THSD4: variants seen among roughly 807,000 people sequenced by gnomAD.
THSD4 encodes thrombospondin type-1 domain-containing protein 4.
Under a neutral mutation model 119.0 loss-of-function variants are expected in THSD4, and 69 were observed. The observed-to-expected ratio is 0.58, with a 90% CI of 0.48 to 0.71. The LOEUF (loss-of-function observed/expected upper bound fraction) is 0.71. Ranked by LOEUF, THSD4 falls within the 30% of genes least tolerant of loss-of-function variation. The probability of loss-of-function intolerance (pLI) is 0.00; values close to 1 mark genes in which losing one functional copy is unlikely to be tolerated. For synonymous variants in THSD4, 524 were observed against 540.4 expected (o/e 0.97, Z 0.42); for missense variants, 1,393 against 1,391.1 (o/e 1.00, Z -0.02).
At chr15:71,608,247 TATACACACAC>T (rs1478118738) in intron 7 of THSD4, among the ~76,000 whole-genome samples, 5 of 71,710 alleles carry the variant, frequency 7.0e-5, no homozygotes, top group Admixed American at 4.9e-4. Flanking sequence ...AATATATATA[TATACACACAC>T]ACACACACAC....
intron 4 of THSD4, among the ~76,000 whole-genome samples, chr15:71,238,543 A>G (rs1379159691): frequency 2.6e-5 from 4 of 152,218 alleles, no homozygotes; most frequent in East Asian, 1.9e-4. Context: ...GACATTCTAT[A>G]GAAATGGAAT....
intron 7 of THSD4, among the ~76,000 whole-genome samples, chr15:71,593,586 G>A (rs1328899789): frequency 3.3e-5 from 5 of 152,088 alleles, no homozygotes; most frequent in South Asian, 2.1e-4. Flanking sequence ...TTCTGTCCTC[G>A]GTGTTTGGAT....
At chr15:71,551,880 G>T (rs1012750071) in intron 7 of THSD4, among the ~76,000 whole-genome samples, 2 of 152,152 alleles carry the variant, frequency 1.3e-5, no homozygotes, top group East Asian at 1.9e-4. Flanking sequence ...CAGTAGAGGC[G>T]CAGCAAGCAA....
At chr15:71,628,939 T>A (rs770730959) in intron 7 of THSD4, among the ~76,000 whole-genome samples, 5 of 152,284 alleles carry the variant, frequency 3.3e-5, no homozygotes, top group Middle Eastern at 3.4e-3. Context: ...ATTTATTGAG[T>A]GCCTATGGTG....
At chr15:71,620,292 T>G (rs912517928) in intron 7 of THSD4, among the ~76,000 whole-genome samples, 2 of 152,168 alleles carry the variant, frequency 1.3e-5, no homozygotes, top group African/African-American at 2.4e-5. Context: ...ATTATTGGTA[T>G]TTAAAAACAT....
chr15:71,592,672 A>G (rs1435342767), intron 7 of THSD4, among the ~76,000 whole-genome samples: 1 of 151,962 alleles, frequency 6.6e-6, no homozygotes, highest in Non-Finnish European at 1.5e-5. Flanking sequence ...TACAGAATGC[A>G]TTTTGTGGGA....
At chr15:71,254,173 A>G (rs949900048) in intron 5 of THSD4, among the ~76,000 whole-genome samples, 7 of 152,130 alleles carry the variant, frequency 4.6e-5, no homozygotes, top group African/African-American at 1.4e-4. Context: ...AGGACCTTCA[A>G]CCACTTGTGC....
At chr15:71,554,095 G>GTTTT (rs58075201) in intron 7 of THSD4, among the ~76,000 whole-genome samples, 44,006 of 137,324 alleles carry the variant, frequency 0.32, 8,965 homozygotes, top group South Asian at 0.45. Context: ...GTTTGGTTTG[G>GTTTT]TTTTTTTTTT....
chr15:71,239,411 G>T (rs1026299897), intron 4 of THSD4, among the ~76,000 whole-genome samples: 2 of 152,126 alleles, frequency 1.3e-5, no homozygotes, highest in African/African-American at 4.8e-5. Context: ...TACAAAGATT[G>T]GGTAACTTAC....
chr15:71,547,604 T>G (rs564898919), intron 7 of THSD4: 2 of 1,163,228 alleles, frequency 1.7e-6, no homozygotes, highest in Admixed American at 3.1e-5. Context: ...ATGCTTTATA[T>G]TACTTTTGTA....
At chr15:71,610,282 T>C (rs916474024) in intron 7 of THSD4, among the ~76,000 whole-genome samples, 2 of 152,192 alleles carry the variant, frequency 1.3e-5, no homozygotes, top group Admixed American at 6.5e-5. Context: ...GCCCCTCCTT[T>C]AGAGAGGGCA....
At chr15:71,137,362 A>G (rs1016410374) in intron 1 of THSD4, among the ~76,000 whole-genome samples, 1 of 152,048 alleles carries the variant, frequency 6.6e-6, no homozygotes, top group African/African-American at 2.4e-5. Flanking sequence ...AGGGCCTGAG[A>G]TAATGTTTGG....
intron 7 of THSD4, among the ~76,000 whole-genome samples, chr15:71,429,253 A>T (rs1166138713): frequency 6.6e-6 from 1 of 152,200 alleles, no homozygotes; most frequent in Non-Finnish European, 1.5e-5. Context: ...GAGGAAAGAG[A>T]TGGGAATATG....
chr15:71,656,166 A>G (rs2051187275), intron 7 of THSD4, among the ~76,000 whole-genome samples: 2 of 152,224 alleles, frequency 1.3e-5, no homozygotes, highest in South Asian at 2.1e-4. Context: ...TAGTTCATGA[A>G]ACATCAAAAA....
At chr15:71,387,647 C>A (rs79610731) in intron 6 of THSD4, among the ~76,000 whole-genome samples, 2 of 152,142 alleles carry the variant, frequency 1.3e-5, no homozygotes, top group Admixed American at 6.5e-5. Context: ...TATGAAGATA[C>A]AACTTTCATC....
chr15:71,125,690 G>C (rs1260152903), intron 1 of THSD4, among the ~76,000 whole-genome samples: 1 of 152,246 alleles, frequency 6.6e-6, no homozygotes, highest in African/African-American at 2.4e-5. Flanking sequence ...TCTCCAGTCA[G>C]GAGGGGGGCG....
At chr15:71,446,886 A>C (rs1339756154) in intron 7 of THSD4, among the ~76,000 whole-genome samples, 1 of 152,100 alleles carries the variant, frequency 6.6e-6, no homozygotes, top group African/African-American at 2.4e-5. Context: ...ACATGTTTCT[A>C]GAAGCCCTCA....
intron 6 of THSD4, among the ~76,000 whole-genome samples, chr15:71,322,651 C>T (rs1223162845): frequency 6.6e-6 from 1 of 152,124 alleles, no homozygotes; most frequent in Non-Finnish European, 1.5e-5. Flanking sequence ...GTCAGGTTGG[C>T]TGGTGCTGGA....
intron 1 of THSD4, among the ~76,000 whole-genome samples, chr15:71,129,298 G>T (rs1021771116): frequency 2.0e-5 from 3 of 152,174 alleles, no homozygotes; most frequent in Non-Finnish European, 2.9e-5. Context: ...TAATAAAGAG[G>T]TTGGAGTGTA....
Sources: gnomAD v4.1 joint callset for allele counts (sites outside exome capture counted in the v4.1 genomes callset) on GRCh38, gnomAD v4.1.1 for gene constraint, MANE v1.5 for transcripts, NCBI Gene and HGNC (gene_info 2026-07-23, HGNC 2026-07-21) for gene names.